ZNF777: variants seen among roughly 807,000 people sequenced by gnomAD.
ZNF777 encodes the protein zinc finger protein 777.
A neutral mutation model predicts 72.1 loss-of-function variants in ZNF777; 7 were observed. That is an observed-to-expected ratio of 0.10 (90% CI 0.06 to 0.18). The LOEUF (loss-of-function observed/expected upper bound fraction) is 0.18, where lower values mean the gene tolerates loss of function less well. ZNF777 is among the 10% of genes least tolerant of loss of function. The pLI, the probability that ZNF777 is intolerant of heterozygous loss-of-function variation, is 1.00. For synonymous variants in ZNF777, 545 were observed against 483.5 expected (o/e 1.13, Z -1.67); for missense variants, 828 against 1,128.6 (o/e 0.73, Z 3.82).
chr7:149,439,430 G>T (rs1000464735), intron 4 of ZNF777, among the ~76,000 whole-genome samples: 1 of 152,056 alleles, frequency 6.6e-6, no homozygotes, highest in East Asian at 1.9e-4. Context: ...TGTAATTTCT[G>T]GAGTATTGTA....
chr7:149,438,918 A>G (rs113049461), intron 4 of ZNF777, among the ~76,000 whole-genome samples: 3,289 of 152,252 alleles, frequency 0.022, 111 homozygotes, highest in African/African-American at 0.075. Context: ...CCCCCCCGCC[A>G]CAGCCTTAAA....
chr7:149,432,445 G>C lies in ZNF777; in HGVS notation c.1827C>G (p.Pro609=). Reference sequence around the variant, plus strand: ...TGAGCGCGTGCTTGGGGTTGAACGTGGGCCCGCGTTCGGGTGAGACGCAGC... The same window carrying C: ...TGAGCGCGTGCTTGGGGTTGAACGTCGGCCCGCGTTCGGGTGAGACGCAGC... ...RGGCVSPERG[P]TFNPKHALKP... is the part of the protein sequence containing the mutation. The change falls in exon 6 of 6, where the codon CCC becomes CCG. Residue 609 remains proline, a synonymous_variant. Transcript: ENST00000247930. 1 of 1,613,498 alleles carries C rather than the reference G, an allele frequency of 6.2e-7. No individual in the cohort carries two copies. The highest frequency in any genetic ancestry group is 1.3e-5 in the African/African-American group (1 of 75,062).
intron 1 of ZNF777, chr7:149,459,856 C>T: frequency 1.0e-6 from 1 of 984,600 alleles, no homozygotes; most frequent in Non-Finnish European, 1.2e-6. Flanking sequence ...AGCGCGCCTC[C>T]GGGCGCCCCA....
At chr7:149,457,532 A>G (rs115943216) in intron 1 of ZNF777, among the ~76,000 whole-genome samples, 2,760 of 152,350 alleles carry the variant, frequency 0.018, 84 homozygotes, top group African/African-American at 0.063. Context: ...ACGTTCCTTT[A>G]GTCACCTATC....
Position 149,457,986 on chromosome 7 carries a change from A to G in ZNF777, c.-15-1949T>C, listed in dbSNP as rs577458290. Among the ~76,000 whole-genome samples, 18 of 152,338 alleles carry G rather than the reference A, an allele frequency of 1.2e-4. No individual in the cohort carries two copies. The South Asian group carries it at 3.7e-3, about 32-fold the overall frequency. On this transcript the variant is annotated intron_variant, in intron 1 of 5. Transcript: ENST00000247930. ...TAACTGTCAACTGAGGCAGCTGGCC[A>G]GGCAGGTGTGTGCTCTGAATCCTTT... is the stretch of plus-strand genomic sequence containing the variant.
At chr7:149,456,184 C>A (rs536698506) in intron 1 of ZNF777, 147 bp from the exon 2 acceptor site, 4 of 731,530 alleles carry the variant, frequency 5.5e-6, no homozygotes, top group Non-Finnish European at 8.0e-6. Flanking sequence ...CTTCTAGAGA[C>A]CACAGCACCA....
chr7:149,442,820 A>G (rs1799546567), intron 4 of ZNF777, among the ~76,000 whole-genome samples: 1 of 152,246 alleles, frequency 6.6e-6, no homozygotes, highest in African/African-American at 2.4e-5. Context: ...AATATGCTCA[A>G]CATCACCCTT....
At chr7:149,444,506 C>T (rs1228784605) in intron 4 of ZNF777, among the ~76,000 whole-genome samples, 3 of 152,204 alleles carry the variant, frequency 2.0e-5, no homozygotes, top group Non-Finnish European at 2.9e-5. Flanking sequence ...CCACCTCTCT[C>T]TCAAGTTGGG....
intron 4 of ZNF777, 53 bp downstream of exon 4, chr7:149,450,946 T>A (rs1256311948): frequency 6.6e-7 from 1 of 1,514,156 alleles, no homozygotes; most frequent in East Asian, 2.3e-5. Context: ...TGGCGCTTCC[T>A]GAGTACTGAA....
chr7:149,454,848 T>C (rs1262726355), intron 2 of ZNF777, among the ~76,000 whole-genome samples: 2 of 152,222 alleles, frequency 1.3e-5, no homozygotes, highest in Non-Finnish European at 2.9e-5. Flanking sequence ...TCTGCTGCAA[T>C]TGTGAAGCTA....
chr7:149,442,075 G>C (rs1281369880), intron 4 of ZNF777, among the ~76,000 whole-genome samples: 2 of 151,048 alleles, frequency 1.3e-5, no homozygotes, highest in Admixed American at 6.6e-5. Context: ...AAATTAGCTG[G>C]GCCTGGTGGC....
chr7:149,440,668 T>G (rs565536009), intron 4 of ZNF777, among the ~76,000 whole-genome samples: 1,986 of 95,582 alleles, frequency 0.021, 51 homozygotes, highest in African/African-American at 0.096. Flanking sequence ...GCCTGTTGTT[T>G]TTTTGTTTTT....
chr7:149,439,106 AAT>A (rs1799465824), intron 4 of ZNF777, among the ~76,000 whole-genome samples: 1 of 147,616 alleles, frequency 6.8e-6, no homozygotes, highest in Non-Finnish European at 1.5e-5. Flanking sequence ...CAGGGAAAGT[AAT>A]GTCTCTCTTC....
intron 4 of ZNF777, among the ~76,000 whole-genome samples, chr7:149,449,704 T>C (rs1799681101): frequency 6.6e-6 from 1 of 152,178 alleles, no homozygotes; most frequent in African/African-American, 2.4e-5. Flanking sequence ...CAGACTGATT[T>C]TCCTCAACCA....
rs377087844 is a variant in ZNF777, at chr7:149,431,953, T to A, written c.2319A>T (p.Thr773=). 13 of 1,604,108 alleles carry A rather than the reference T, an allele frequency of 8.1e-6. No individual in the cohort carries two copies. The highest frequency in any genetic ancestry group is 1.1e-5 in the Non-Finnish European group (13 of 1,176,056). ...HHLLEHRRIH[T]GERPYHCAEC... is the part of the protein sequence containing the mutation. ...CGGCGCAGTGGTAGGGCCGCTCGCC[T>A]GTGTGGATGCGCCGGTGTTCCAGGA... is the stretch of plus-strand genomic sequence containing the variant. Residue 773 remains threonine, a synonymous_variant, in exon 6 of 6, where the codon ACA becomes ACT. Transcript: ENST00000247930.
chr7:149,434,826 G>A (rs1007418978), intron 5 of ZNF777, among the ~76,000 whole-genome samples: 5 of 152,106 alleles, frequency 3.3e-5, no homozygotes, highest in African/African-American at 7.2e-5. Context: ...CAAGTGATCC[G>A]ATCCGCCTGC....
In ZNF777 at chr7:149,436,976, G is replaced by T; in HGVS notation, c.1088-150C>A. ...TGTAATATTGAGTTGGAAATGAGTA[G>T]ACACAGAATTTTCTGGACACCTTGT... On this transcript the variant is annotated intron_variant, in intron 4 of 5. Coordinates refer to ENST00000247930, the MANE Select transcript of ZNF777 (RefSeq NM_015694.3). This position sits in a 1 kb window ranked among gnomAD's most constrained non-coding sequence, Gnocchi z 5.0. 1 of 1,009,220 alleles carries T rather than the reference G, an allele frequency of 9.9e-7. No individual in the cohort carries two copies. Among genetic ancestry groups the T allele is most frequent in the Non-Finnish European group, 1.4e-6 (1 of 710,454 alleles). The allele number at this position is 1,009,220 out of a possible 1,614,324, so 62.5% of individuals were successfully genotyped here.
chr7:149,458,321 G>A (rs372466722), intron 1 of ZNF777, among the ~76,000 whole-genome samples: 7 of 152,318 alleles, frequency 4.6e-5, no homozygotes, highest in African/African-American at 1.4e-4. Flanking sequence ...TGGGGGCCCT[G>A]GAGGCTAGGC....
At position 149,432,631 on chromosome 7, in the gene ZNF777, T is replaced by G. The variant is rs746699852; in HGVS notation, c.1641A>C (p.Thr547=). The change falls in exon 6 of 6, where the codon ACA becomes ACC. Residue 547 remains threonine (T), a synonymous_variant. Coordinates refer to ENST00000247930, the MANE Select transcript of ZNF777 (RefSeq NM_015694.3). ...GGAAGCTCTTGCCGCACTCCATGCATGTGAAGGGCCGCTCGCCGCGCCGGT... is the reference window on the plus strand; with the variant it reads ...GGAAGCTCTTGCCGCACTCCATGCAGGTGAAGGGCCGCTCGCCGCGCCGGT... ...QRNRRGERPF[T]CMECGKSFRL... is the part of the protein sequence containing the mutation. 1.9e-6 allele frequency: 3 copies of G among 1,611,760 alleles called. No individual in the cohort carries two copies. Among genetic ancestry groups the G allele is most frequent in the Non-Finnish European group, 2.5e-6 (3 of 1,179,042 alleles).
Sources: gnomAD v4.1 joint callset for allele counts (sites outside exome capture counted in the v4.1 genomes callset) on GRCh38, gnomAD v4.1.1 for gene constraint, Gnocchi (gnomAD v3.1) non-coding constraint, MANE v1.5 for transcripts, NCBI Gene and HGNC (gene_info 2026-07-23, HGNC 2026-07-21) for gene names.